The following ADCY5 variants were observed in gnomAD, a reference collection of about 807,000 sequenced individuals.
ADCY5 encodes the protein adenylate cyclase type 5.
In ADCY5, 30 loss-of-function variants were observed where a neutral mutation model predicts 119.7. That is an observed-to-expected ratio of 0.25 (90% confidence interval 0.19 to 0.34). ADCY5 has a LOEUF of 0.34. Among genes scored for constraint, ADCY5 ranks in the 10% least tolerant of loss-of-function variants. The pLI is 1.00. For missense variants in ADCY5, 1,324 were observed against 1,775.2 expected (o/e 0.75, Z 4.57); for synonymous variants, 753 against 762.2 (o/e 0.99, Z 0.20).
At position 123,314,217 on chromosome 3, in the gene ADCY5, G is replaced by A. The variant is rs772135968; in HGVS notation, c.2442+18C>T. The A allele has an allele frequency of 1.0e-5, 16 of 1,599,618 alleles. No individual in the cohort carries two copies. The highest frequency in any genetic ancestry group is 1.3e-5 in the Non-Finnish European group (15 of 1,167,932). On this transcript the variant is annotated intron_variant, in intron 12 of 20. Transcript: ENST00000462833. ...GCGGGAAGAAGGTGGCTGCAACCCAGCTGTCAGCTACACTCACCTTTACGC... is the reference window on the plus strand; with the variant it reads ...GCGGGAAGAAGGTGGCTGCAACCCAACTGTCAGCTACACTCACCTTTACGC...
chr3:123,384,077 A>G (rs12636451), intron 1 of ADCY5, among the ~76,000 whole-genome samples: 1 of 151,654 alleles, frequency 6.6e-6, no homozygotes, highest in Non-Finnish European at 1.5e-5. Context: ...CGGGACAGTA[A>G]TGACTGCTCC....
At chr3:123,337,880 A>G (rs1170983989) in intron 3 of ADCY5, among the ~76,000 whole-genome samples, 1 of 152,246 alleles carries the variant, frequency 6.6e-6, no homozygotes, top group African/African-American at 2.4e-5. Context: ...AAAGCAAGAG[A>G]CACAACTAGT....
chr3:123,378,980 G>A (rs981004951), intron 1 of ADCY5, among the ~76,000 whole-genome samples: 3 of 152,160 alleles, frequency 2.0e-5, no homozygotes, highest in Non-Finnish European at 4.4e-5. Flanking sequence ...CCCTTCAGCG[G>A]TGCCTGGCCC....
intron 3 of ADCY5, among the ~76,000 whole-genome samples, chr3:123,345,035 G>A (rs1942464604): frequency 6.6e-6 from 1 of 152,214 alleles, no homozygotes; most frequent in South Asian, 2.1e-4. Flanking sequence ...GCAGGGGTCT[G>A]ACATGCAGGC....
At chr3:123,430,956 T>C (rs1388367748) in intron 1 of ADCY5, among the ~76,000 whole-genome samples, 1 of 152,144 alleles carries the variant, frequency 6.6e-6, no homozygotes, top group Non-Finnish European at 1.5e-5. Context: ...CCTCTGAGGG[T>C]ACAAGCCCCA....
chr3:123,380,167 T>TCC (rs1192275874), intron 1 of ADCY5, among the ~76,000 whole-genome samples: 4 of 152,174 alleles, frequency 2.6e-5, no homozygotes, highest in Admixed American at 6.5e-5. Flanking sequence ...CAGTTTGGTC[T>TCC]CCTAGGAAAA....
At position 123,291,203 on chromosome 3, in the gene ADCY5, G is replaced by C; in HGVS notation, c.3237C>G (p.Asn1079Lys). 1 of 1,614,076 alleles carries C rather than the reference G, an allele frequency of 6.2e-7. No individual in the cohort carries two copies. Among genetic ancestry groups the C allele is most frequent in the Non-Finnish European group, 8.5e-7 (1 of 1,180,026 alleles). Residue 1079 changes from asparagine (N) to lysine (K), a missense_variant, in exon 18 of 21, where the codon AAC (asparagine) becomes AAG (lysine). By Grantham distance (94) the Asn-to-Lys change is moderately conservative. This residue lies in a region of ADCY5 where 178 missense variants were observed against 329.6 expected (regional missense o/e 0.54). Transcript: ENST00000462833. Reference protein sequence around the residue: ...CVAVMFASIANFSEFYVELEA... With the variant: ...CVAVMFASIAKFSEFYVELEA... The stretch of plus-strand genomic sequence containing the variant: ...CCAGCTCAACGTAGAACTCGGAGAA[G>C]TTGGCGATGGAGGCGAACATGACCG...
At chr3:123,341,888 AT>A (rs1019979007) in intron 3 of ADCY5, among the ~76,000 whole-genome samples, 5 of 152,098 alleles carry the variant, frequency 3.3e-5, no homozygotes, top group African/African-American at 1.2e-4. Context: ...CATAAAGACC[AT>A]TTATATCTAT....
At chr3:123,393,397 A>T (rs1404539819) in intron 1 of ADCY5, among the ~76,000 whole-genome samples, 2 of 151,894 alleles carry the variant, frequency 1.3e-5, no homozygotes, top group African/African-American at 2.4e-5. Flanking sequence ...ATAAAAAAAA[A>T]TTCTAAAAAT....
At chr3:123,444,558 G>T (rs777014502) in intron 1 of ADCY5, among the ~76,000 whole-genome samples, 1 of 152,196 alleles carries the variant, frequency 6.6e-6, no homozygotes, top group Non-Finnish European at 1.5e-5. Context: ...GGCACCTTGT[G>T]TCCTGTTCCT....
intron 1 of ADCY5, among the ~76,000 whole-genome samples, chr3:123,397,478 AG>A (rs1944634330): frequency 6.6e-6 from 1 of 152,222 alleles, no homozygotes. Context: ...CTCTACAAAA[AG>A]TTTTAAAATT....
At chr3:123,324,603 C>T (rs1359785365) in intron 8 of ADCY5, among the ~76,000 whole-genome samples, 1 of 152,204 alleles carries the variant, frequency 6.6e-6, no homozygotes, top group Non-Finnish European at 1.5e-5. Flanking sequence ...AACACCACTG[C>T]AGTAACGTGG....
intron 1 of ADCY5, among the ~76,000 whole-genome samples, chr3:123,387,711 A>G: frequency 6.6e-6 from 1 of 152,200 alleles, no homozygotes; most frequent in Non-Finnish European, 1.5e-5. Flanking sequence ...TTTCAACACA[A>G]CATTAATTAG....
chr3:123,317,426 CAATT>C (rs574399642), intron 11 of ADCY5, among the ~76,000 whole-genome samples: 1 of 151,074 alleles, frequency 6.6e-6, no homozygotes, highest in South Asian at 2.1e-4. Flanking sequence ...TGGGACGAGA[CAATT>C]AAGTGATAAA....
At chr3:123,284,822 A>G (rs1938624192) in intron 20 of ADCY5, 86 bp from the exon 21 acceptor site, 2 of 1,564,194 alleles carry the variant, frequency 1.3e-6, no homozygotes, top group Non-Finnish European at 1.8e-6. Context: ...CTGACTGCCC[A>G]GCCCTGTTGC....
At chr3:123,296,004 G>T (rs937113516) in intron 17 of ADCY5, 80 bp downstream of exon 17, 2 of 1,570,104 alleles carry the variant, frequency 1.3e-6, no homozygotes. Flanking sequence ...GGCTTGGCCT[G>T]GCCCAGCAGA....
chr3:123,407,465 C>T (rs1000055113), intron 1 of ADCY5, among the ~76,000 whole-genome samples: 2 of 151,694 alleles, frequency 1.3e-5, no homozygotes, highest in East Asian at 3.9e-4. Flanking sequence ...AAATATTTTG[C>T]AAATGCCAGG....
At chr3:123,307,789 C>A (rs559766047) in intron 12 of ADCY5, among the ~76,000 whole-genome samples, 1 of 152,076 alleles carries the variant, frequency 6.6e-6, no homozygotes, top group Non-Finnish European at 1.5e-5. Context: ...GTTACTAATA[C>A]GTGCTAAAAC....
At chr3:123,413,918 G>T (rs1945124009) in intron 1 of ADCY5, among the ~76,000 whole-genome samples, 1 of 152,170 alleles carries the variant, frequency 6.6e-6, no homozygotes, top group Admixed American at 6.5e-5. Context: ...CAGCCCAGCT[G>T]CGAACTGTGT....
Sources: allele counts gnomAD v4.1 joint callset (sites outside exome capture counted in the v4.1 genomes callset), GRCh38; gene constraint gnomAD v4.1.1; regional missense constraint gnomAD v4.1.1; transcripts MANE v1.5; gene names NCBI Gene and HGNC (gene_info 2026-07-23, HGNC 2026-07-21).